Variants in SPATA6 observed in about 807,000 individuals in gnomAD.
SPATA6 encodes the protein spermatogenesis-associated protein 6.
SPATA6 carries 56 observed loss-of-function variants against 65.3 expected under a neutral mutation model. The observed-to-expected ratio is 0.86, with a 90% CI of 0.69 to 1.07. The LOEUF (loss-of-function observed/expected upper bound fraction) is 1.07, where lower values mean the gene tolerates loss of function less well. Among genes scored for constraint, SPATA6 ranks in the 50% least tolerant of loss-of-function variants. The pLI is 0.00. For synonymous variants in SPATA6, 199 were observed against 213.2 expected (o/e 0.93, Z 0.58); for missense variants, 590 against 594.8 (o/e 0.99, Z 0.08).
At chr1:48,451,277 C>A (rs1212686776) in intron 3 of SPATA6, among the ~76,000 whole-genome samples, 1 of 152,128 alleles carries the variant, frequency 6.6e-6, no homozygotes, top group Non-Finnish European at 1.5e-5. Flanking sequence ...CACCCCATAT[C>A]ATTTTAATCA....
chr1:48,314,778 A>C (rs1220581573), intron 11 of SPATA6, among the ~76,000 whole-genome samples: 2 of 152,186 alleles, frequency 1.3e-5, no homozygotes, highest in Admixed American at 1.3e-4. Context: ...AGATCAACAA[A>C]ATTGATAGAC....
chr1:48,359,804 A>C (rs750277576), intron 9 of SPATA6, 34 bp from the exon 10 acceptor site: 4 of 1,489,822 alleles, frequency 2.7e-6, no homozygotes, highest in Non-Finnish European at 3.6e-6. Context: ...TAGATATACA[A>C]ATACAGATAC....
chr1:48,432,815 G>T (rs1051187093), intron 3 of SPATA6, among the ~76,000 whole-genome samples: 1 of 152,132 alleles, frequency 6.6e-6, no homozygotes, highest in Non-Finnish European at 1.5e-5. Context: ...ATCACAAACA[G>T]ATATCTGTAC....
At chr1:48,426,927 ATCT>A (rs1475720099) in intron 3 of SPATA6, among the ~76,000 whole-genome samples, 1 of 151,366 alleles carries the variant, frequency 6.6e-6, no homozygotes, top group African/African-American at 2.4e-5. Flanking sequence ...AGTCAGTTCA[ATCT>A]TTTTTTTTTT....
chr1:48,291,282 G>A (rs952580384), downstream of SPATA6, among the ~76,000 whole-genome samples: 4 of 152,244 alleles, frequency 2.6e-5, 1 homozygote, highest in South Asian at 4.2e-4. Flanking sequence ...GGTAGGCAGG[G>A]CCATAGAGCT....
intron 5 of SPATA6, among the ~76,000 whole-genome samples, chr1:48,406,091 C>T (rs1651677083): frequency 6.6e-6 from 1 of 152,010 alleles, no homozygotes; most frequent in South Asian, 2.1e-4. Context: ...CTCACACATG[C>T]CCAAGGTGCA....
the SPATA6 span, among the ~76,000 whole-genome samples, chr1:48,277,847 C>A: frequency 6.6e-6 from 1 of 152,226 alleles, no homozygotes; most frequent in Non-Finnish European, 1.5e-5. Flanking sequence ...CAGCACACAG[C>A]TGGAGATCTG....
At chr1:48,368,587 C>A (rs557832779) in intron 9 of SPATA6, among the ~76,000 whole-genome samples, 1 of 152,298 alleles carries the variant, frequency 6.6e-6, no homozygotes, top group Admixed American at 6.5e-5. Context: ...TTGATCACAT[C>A]GGCTCCTGAG....
chr1:48,423,304 A>G (rs571579336), intron 3 of SPATA6, among the ~76,000 whole-genome samples: 144 of 151,910 alleles, frequency 9.5e-4, no homozygotes, highest in Non-Finnish European at 1.7e-3. Context: ...TAAAAATACA[A>G]AATTAGCCAG....
At chr1:48,405,160 CA>C (rs1444040504) in intron 5 of SPATA6, among the ~76,000 whole-genome samples, 1 of 152,198 alleles carries the variant, frequency 6.6e-6, no homozygotes, top group Admixed American at 6.5e-5. Context: ...ATAACACTGT[CA>C]ATCTTACCAC....
chr1:48,452,327 G>C (rs1286455222), intron 2 of SPATA6, among the ~76,000 whole-genome samples: 1 of 151,842 alleles, frequency 6.6e-6, no homozygotes, highest in African/African-American at 2.4e-5. Context: ...TTAACCAAAA[G>C]CTGCAAAGAC....
rs771811962 is a variant in SPATA6 at position 48,385,337 on chromosome 1, A to G, written c.881T>C (p.Leu294Pro). The change falls in exon 9 of 13, where the codon CTT becomes CCT. Residue 294 changes from leucine to proline, a missense_variant. Coordinates refer to ENST00000371847, the MANE Select transcript of SPATA6 (RefSeq NM_019073.4). ...ATAATCCTTGGGTCGGCAGCAGCCA[A>G]GATGAGAATGATCTGAAAAAGGAAG... Reference protein sequence around the residue: ...WSRVHNDHSHLGCCRPKDYKV... With the variant: ...WSRVHNDHSHPGCCRPKDYKV... 3.7e-6 allele frequency: 6 copies of G among 1,608,660 alleles called. No individual in the cohort carries two copies. In the African/African-American group the frequency reaches 8.0e-5, roughly 22 times the overall value.
At chr1:48,365,539 G>C (rs1413073232) in intron 9 of SPATA6, among the ~76,000 whole-genome samples, 1 of 152,050 alleles carries the variant, frequency 6.6e-6, no homozygotes, top group Non-Finnish European at 1.5e-5. Flanking sequence ...GGATTCCTAG[G>C]TATTTTATTC....
rs539766376 is a variant in SPATA6, at chr1:48,392,891, G to A, written c.868+2376C>T. ...GAGAACCCAGAAGTTGGTAAGTACT[G>A]CTCAGTTGTCAGCCAGGGGAAAAAA... On this transcript the variant is annotated intron_variant, in intron 8 of 12. Coordinates refer to ENST00000371847, the MANE Select transcript of SPATA6 (RefSeq NM_019073.4). Among the ~76,000 whole-genome samples the A allele has an allele frequency of 1.2e-4, 18 of 151,918 alleles. No individual in the cohort carries two copies. In the South Asian group the frequency reaches 3.1e-3, roughly 26 times the overall value.
At chr1:48,416,561 T>C (rs573891794) in intron 3 of SPATA6, among the ~76,000 whole-genome samples, 5 of 152,094 alleles carry the variant, frequency 3.3e-5, no homozygotes, top group African/African-American at 1.2e-4. Context: ...TTACAACAAA[T>C]AAAACACGTA....
chr1:48,369,893 G>A lies in SPATA6; in HGVS notation c.910-10123C>T, dbSNP rs908916552. ...TCGCTCACGCTGGGAGCTGTAGACCGGAGCTCCTCCTATTCGGCCATCTTG... is the reference window on the plus strand; with the variant it reads ...TCGCTCACGCTGGGAGCTGTAGACCAGAGCTCCTCCTATTCGGCCATCTTG... On this transcript the variant is annotated intron_variant, in intron 9 of 12. Transcript: ENST00000371847. Among the ~76,000 whole-genome samples, 11 of 152,200 alleles carry A rather than the reference G, an allele frequency of 7.2e-5. No homozygotes were observed. The South Asian group carries it at 8.3e-4, about 11-fold the overall frequency.
intron 5 of SPATA6, among the ~76,000 whole-genome samples, chr1:48,405,234 T>C (rs943119398): frequency 2.0e-5 from 3 of 152,222 alleles, no homozygotes; most frequent in African/African-American, 7.2e-5. Context: ...ACATTTTCAA[T>C]GTGTGTTCTT....
intron 9 of SPATA6, among the ~76,000 whole-genome samples, chr1:48,371,285 A>AGATAGAT (rs990777929): frequency 6.6e-6 from 1 of 151,938 alleles, no homozygotes; most frequent in Non-Finnish European, 1.5e-5. Context: ...ATAGATAGAT[A>AGATAGAT]GATAGATAGA....
At chr1:48,423,475 A>C (rs1270471530) in intron 3 of SPATA6, among the ~76,000 whole-genome samples, 2 of 150,842 alleles carry the variant, frequency 1.3e-5, no homozygotes, top group Non-Finnish European at 2.9e-5. Context: ...AAAAAAAAAA[A>C]ACAGAAAAAT....
Sources: gnomAD v4.1 joint callset for allele counts (sites outside exome capture counted in the v4.1 genomes callset) on GRCh38, gnomAD v4.1.1 for gene constraint, MANE v1.5 for transcripts, NCBI Gene and HGNC (gene_info 2026-07-23, HGNC 2026-07-21) for gene names.